The following CNBD1 variants were observed in gnomAD, a reference collection of about 807,000 sequenced individuals.
CNBD1 encodes cyclic nucleotide-binding domain-containing protein 1.
A neutral mutation model predicts 54.4 loss-of-function variants in CNBD1; 71 were observed. The ratio of observed to expected loss-of-function variants is 1.30; its 90% CI spans 1.08 to 1.59. CNBD1 has a LOEUF of 1.59. CNBD1 is among the 40% of genes most tolerant of loss of function. The pLI, the probability that CNBD1 is intolerant of heterozygous loss-of-function variation, is 0.00. For missense variants in CNBD1, 659 were observed against 518.0 expected (o/e 1.27, Z -2.64); for synonymous variants, 182 against 170.7 (o/e 1.07, Z -0.51).
intron 10 of CNBD1, among the ~76,000 whole-genome samples, chr8:87,362,203 A>C (rs113465238): frequency 0.019 from 2,850 of 152,222 alleles, 90 homozygotes; most frequent in African/African-American, 0.062. Flanking sequence ...TCCATACATC[A>C]TGAAGACCAT....
At chr8:87,085,906 T>A (rs1388834107) in intron 4 of CNBD1, among the ~76,000 whole-genome samples, 1 of 152,128 alleles carries the variant, frequency 6.6e-6, no homozygotes, top group Admixed American at 6.5e-5. Context: ...ATTTGTCTCC[T>A]TACCTTAGTT....
At chr8:87,334,142 CT>C in intron 8 of CNBD1, among the ~76,000 whole-genome samples, 1 of 152,192 alleles carries the variant, frequency 6.6e-6, no homozygotes, top group Admixed American at 6.5e-5. Context: ...TTATTCATTT[CT>C]TCTAGATTTT....
chr8:87,326,949 T>C (rs13281985), intron 8 of CNBD1, among the ~76,000 whole-genome samples: 23,153 of 115,084 alleles, frequency 0.2, 2,509 homozygotes, highest in Non-Finnish European at 0.28. Flanking sequence ...CTACTTTTGG[T>C]CTTTGATGAT....
At chr8:87,145,852 C>T (rs1812475534) in intron 4 of CNBD1, among the ~76,000 whole-genome samples, 1 of 152,046 alleles carries the variant, frequency 6.6e-6, no homozygotes, top group Admixed American at 6.6e-5. Context: ...TTAACAGTCC[C>T]AATTTATACT....
intron 8 of CNBD1, among the ~76,000 whole-genome samples, chr8:87,331,836 T>A (rs1341707162): frequency 3.9e-5 from 6 of 152,340 alleles, no homozygotes; most frequent in African/African-American, 1.2e-4. Flanking sequence ...TTTTTTCATA[T>A]GTTTGTTGGT....
chr8:87,344,056 T>C (rs1810120748), intron 8 of CNBD1, among the ~76,000 whole-genome samples: 1 of 152,124 alleles, frequency 6.6e-6, no homozygotes, highest in Non-Finnish European at 1.5e-5. Flanking sequence ...GTATGTAGTT[T>C]GTAACAGAGG....
At chr8:86,977,277 C>G (rs1808364024) in intron 4 of CNBD1, among the ~76,000 whole-genome samples, 1 of 106,820 alleles carries the variant, frequency 9.4e-6, no homozygotes, top group African/African-American at 3.6e-5. Context: ...TTATTTCTTT[C>G]AATATAATTT....
chr8:87,424,115 T>A, intron 2 of CNBD1, among the ~76,000 whole-genome samples: 1 of 152,194 alleles, frequency 6.6e-6, no homozygotes, highest in Middle Eastern at 3.2e-3. Context: ...GTGGGATTGG[T>A]GGTGATATCC....
chr8:87,420,025 C>G (rs1807904388), intron 2 of CNBD1, among the ~76,000 whole-genome samples: 1 of 150,644 alleles, frequency 6.6e-6, no homozygotes, highest in Non-Finnish European at 1.5e-5. Context: ...ATAGAAAGCA[C>G]TATACATAAT....
chr8:87,230,454 C>T (rs902614374), intron 5 of CNBD1, among the ~76,000 whole-genome samples: 19 of 152,240 alleles, frequency 1.2e-4, no homozygotes, highest in Middle Eastern at 3.4e-3. Flanking sequence ...TAAATATGCA[C>T]GTACAGCACA....
At position 87,141,587 on chromosome 8, in the gene CNBD1, C is replaced by T. The variant is rs528969906; in HGVS notation, c.432-64406C>T. On this transcript the variant is annotated intron_variant, in intron 4 of 10. Transcript: ENST00000518476. ...ATTTTCCAAGTCCTCTTAAGTACAG[C>T]TTATTTCAGTGGTTGATTTTTTTTT... Among the ~76,000 whole-genome samples the T allele has an allele frequency of 2.6e-5, 4 of 152,036 alleles. No individual in the cohort carries two copies. The South Asian group carries it at 8.3e-4, about 32-fold the overall frequency.
chr8:87,140,543 A>C (rs1016911895), intron 4 of CNBD1, among the ~76,000 whole-genome samples: 2 of 152,304 alleles, frequency 1.3e-5, no homozygotes, highest in East Asian at 3.9e-4. Context: ...GTAATCTGTT[A>C]ATAGTAAAAA....
intron 3 of CNBD1, among the ~76,000 whole-genome samples, chr8:86,926,384 G>A (rs1259847159): frequency 6.6e-6 from 1 of 152,146 alleles, no homozygotes; most frequent in Non-Finnish European, 1.5e-5. Context: ...GTTTTGAGTT[G>A]AGCTCATTTG....
At chr8:87,080,805 A>G (rs1017279370) in intron 4 of CNBD1, among the ~76,000 whole-genome samples, 4 of 152,184 alleles carry the variant, frequency 2.6e-5, no homozygotes, top group African/African-American at 9.6e-5. Context: ...TGTCCATTTC[A>G]CTAAATCTTC....
intron 3 of CNBD1, among the ~76,000 whole-genome samples, chr8:86,930,394 A>G (rs1320506432): frequency 6.6e-6 from 1 of 152,160 alleles, no homozygotes. Context: ...CTGGGAGCCA[A>G]AAGTAATTCA....
intron 4 of CNBD1, among the ~76,000 whole-genome samples, chr8:87,103,230 G>C (rs542325306): frequency 6.6e-6 from 1 of 152,180 alleles, no homozygotes; most frequent in South Asian, 2.1e-4. Flanking sequence ...GAGTAGGATG[G>C]GAAAGAAATG....
At chr8:87,410,583 C>T in intron 2 of CNBD1, among the ~76,000 whole-genome samples, 1 of 152,068 alleles carries the variant, frequency 6.6e-6, no homozygotes, top group East Asian at 1.9e-4. Flanking sequence ...GTTGAAATCA[C>T]AACAAAAAAT....
intron 4 of CNBD1, among the ~76,000 whole-genome samples, chr8:87,162,793 G>C (rs942110026): frequency 6.6e-6 from 1 of 152,038 alleles, no homozygotes; most frequent in African/African-American, 2.4e-5. Flanking sequence ...AGGGCAAAAG[G>C]GAGGGAAGTG....
intron 4 of CNBD1, among the ~76,000 whole-genome samples, chr8:87,029,670 A>C (rs1201215358): frequency 6.6e-6 from 1 of 152,164 alleles, no homozygotes; most frequent in African/African-American, 2.4e-5. Flanking sequence ...AGGAGGAGTG[A>C]GAAAGGGCCT....
Sources: allele counts gnomAD v4.1 joint callset (sites outside exome capture counted in the v4.1 genomes callset), GRCh38; gene constraint gnomAD v4.1.1; transcripts MANE v1.5; gene names NCBI Gene and HGNC (gene_info 2026-07-23, HGNC 2026-07-21).